Variants in IL1RAPL2 observed in about 807,000 individuals in gnomAD.
The protein encoded by IL1RAPL2 is X-linked interleukin-1 receptor accessory protein-like 2.
IL1RAPL2 carries 3 observed loss-of-function variants against 44.1 expected under a neutral mutation model. The ratio of observed to expected loss-of-function variants is 0.07; its 90% confidence interval spans 0.03 to 0.18. The LOEUF is 0.18. Among genes scored for constraint, IL1RAPL2 ranks in the 10% least tolerant of loss-of-function variants. IL1RAPL2 has a pLI of 1.00. For missense variants in IL1RAPL2, 391 were observed against 496.4 expected (o/e 0.79, Z 2.02); for synonymous variants, 181 against 178.8 (o/e 1.01, Z -0.10).
intron 2 of IL1RAPL2, among the ~76,000 whole-genome samples, chrX:105,047,100 G>C: frequency 9.0e-6 from 1 of 111,038 alleles, no homozygotes; most frequent in Non-Finnish European, 1.9e-5. Context: ...TTTCCATTCA[G>C]CTTGAGCTAC....
chrX:105,220,440 G>A lies in IL1RAPL2; in HGVS notation c.357-13378G>A, dbSNP rs782732944. On this transcript the variant is annotated intron_variant, in intron 3 of 10. Transcript: ENST00000372582. ...ACGGTTTCACTAGCCCTGTGTGGAT[G>A]GAGCAGCCAATAGGTTCCTTTCCTC... 1.1e-5 allele frequency: 12 copies of A among 1,092,031 alleles called. No homozygotes were observed. In the Middle Eastern group the frequency reaches 1.0e-3, roughly 93 times the overall value. 90.0% of individuals were successfully genotyped at this position (1,092,031 alleles called of 1,213,427 possible).
chrX:104,958,278 G>A (rs1051091479), intron 2 of IL1RAPL2, among the ~76,000 whole-genome samples: 19 of 108,974 alleles, frequency 1.7e-4, no homozygotes, highest in Non-Finnish European at 3.0e-4. Flanking sequence ...GTGGTACTAG[G>A]GAGAATAATA....
chrX:105,196,414 C>T (rs1252578949), intron 3 of IL1RAPL2, among the ~76,000 whole-genome samples: 2 of 111,684 alleles, frequency 1.8e-5, no homozygotes, highest in Non-Finnish European at 1.9e-5. Context: ...TATCTGGCCA[C>T]GAAAATGATC....
At chrX:105,607,967 C>T (rs2037308242) in intron 6 of IL1RAPL2, among the ~76,000 whole-genome samples, 1 of 110,496 alleles carries the variant, frequency 9.1e-6, no homozygotes, top group South Asian at 3.8e-4. Context: ...GTATAAAGAG[C>T]TTATGGAACT....
At chrX:105,574,107 AAGAG>A (rs1190667208) in intron 6 of IL1RAPL2, among the ~76,000 whole-genome samples, 1 of 112,084 alleles carries the variant, frequency 8.9e-6, no homozygotes, top group African/African-American at 3.2e-5. Context: ...TCAAATGTCT[AAGAG>A]AGATCAAGTT....
At chrX:105,367,295 C>G (rs938029587) in intron 5 of IL1RAPL2, among the ~76,000 whole-genome samples, 1 of 111,446 alleles carries the variant, frequency 9.0e-6, no homozygotes, top group Non-Finnish European at 1.9e-5. Context: ...CACATAGTGT[C>G]TTTTGATTGG....
intron 2 of IL1RAPL2, among the ~76,000 whole-genome samples, chrX:104,863,571 G>A (rs1922544007): frequency 8.9e-6 from 1 of 111,942 alleles, no homozygotes; most frequent in African/African-American, 3.2e-5. Context: ...TAAATTCCTT[G>A]CAGACAACGG....
intron 2 of IL1RAPL2, among the ~76,000 whole-genome samples, chrX:104,736,232 T>C (rs1203687465): frequency 4.5e-5 from 5 of 112,186 alleles, no homozygotes; most frequent in South Asian, 3.7e-4. Flanking sequence ...TTTATAGTAA[T>C]GACATTTTCC....
intron 2 of IL1RAPL2, among the ~76,000 whole-genome samples, chrX:105,149,961 G>A (rs2033212162): frequency 9.0e-6 from 1 of 110,533 alleles, no homozygotes; most frequent in Non-Finnish European, 1.9e-5. Flanking sequence ...GAGGTATAGG[G>A]GCAGCCTGGA....
intron 6 of IL1RAPL2, among the ~76,000 whole-genome samples, chrX:105,487,091 C>CAAAA (rs397896906): frequency 2.6e-5 from 1 of 38,316 alleles, no homozygotes; most frequent in Non-Finnish European, 5.3e-5. Flanking sequence ...GACTCCATCT[C>CAAAA]AAAAAAAAAA....
rs1048000845 is a variant in IL1RAPL2 at position 104,910,224 on chromosome X, C to G, written c.82+251229C>G. On this transcript the variant is annotated intron_variant, in intron 2 of 10. Transcript: ENST00000372582. ...GCCATGCTTCGGCTCGCTCACGGTG[C>G]GCGCACCCACTGACCTGCGCCCACT... 1.1e-4 allele frequency among the ~76,000 whole-genome samples: 12 copies of G among 111,794 alleles called. No individual in the cohort carries two copies. The East Asian group carries it at 3.1e-3, about 29-fold the overall frequency.
chrX:105,566,389 T>C (rs763787598), intron 6 of IL1RAPL2, among the ~76,000 whole-genome samples: 7 of 111,417 alleles, frequency 6.3e-5, no homozygotes, highest in Non-Finnish European at 1.3e-4. Flanking sequence ...GAGGCTGATA[T>C]CCAGGTTTCT....
chrX:105,640,646 ATG>A (rs1249323712), intron 6 of IL1RAPL2, among the ~76,000 whole-genome samples: 2 of 62,098 alleles, frequency 3.2e-5, no homozygotes, highest in African/African-American at 1.2e-4. Context: ...CAAATTATGT[ATG>A]TGTGTGTATA....
intron 1 of IL1RAPL2, chrX:104,647,858 A>G (rs1375308218): frequency 1.2e-5 from 7 of 603,042 alleles, no homozygotes; most frequent in South Asian, 9.2e-5. Flanking sequence ...CCCTACCACA[A>G]TGTCCTGTAC....
At chrX:105,043,716 C>T (rs2031796002) in intron 2 of IL1RAPL2, among the ~76,000 whole-genome samples, 1 of 111,193 alleles carries the variant, frequency 9.0e-6, no homozygotes, top group South Asian at 3.8e-4. Flanking sequence ...ATCTAGCTTA[C>T]CACTACTGTT....
chrX:105,286,542 A>G (rs1258845525), intron 5 of IL1RAPL2, among the ~76,000 whole-genome samples: 1 of 110,190 alleles, frequency 9.1e-6, no homozygotes, highest in Admixed American at 9.8e-5. Flanking sequence ...TGCAAAAAAA[A>G]TGAGAATCAG....
At chrX:104,805,205 G>T (rs752556569) in intron 2 of IL1RAPL2, among the ~76,000 whole-genome samples, 1 of 111,620 alleles carries the variant, frequency 9.0e-6, no homozygotes, top group Admixed American at 9.5e-5. Context: ...GACTCACTGA[G>T]AGTATAAAAG....
chrX:105,038,761 G>T (rs779333305), intron 2 of IL1RAPL2, among the ~76,000 whole-genome samples: 12 of 110,373 alleles, frequency 1.1e-4, no homozygotes, highest in African/African-American at 3.3e-4. Flanking sequence ...TATATGATTA[G>T]TGACTGAACC....
chrX:104,626,852 A>G (rs1334768732), intron 1 of IL1RAPL2, among the ~76,000 whole-genome samples: 1 of 101,746 alleles, frequency 9.8e-6, no homozygotes, highest in Non-Finnish European at 2.0e-5. Context: ...ACAGAGTCTC[A>G]CTCTGTCTCC....
Sources: gnomAD v4.1 joint callset for allele counts (sites outside exome capture counted in the v4.1 genomes callset) on GRCh38, gnomAD v4.1.1 for gene constraint, MANE v1.5 for transcripts, NCBI Gene and HGNC (gene_info 2026-07-23, HGNC 2026-07-21) for gene names.